The following DET1 variants were observed in gnomAD, a reference collection of about 807,000 sequenced individuals.
DET1 encodes DET1 partner of COP1 E3 ubiquitin ligase, also known as DET1 homolog.
A neutral mutation model predicts 43.7 loss-of-function variants in DET1; 22 were observed. The observed-to-expected ratio is 0.50, with a 90% CI of 0.36 to 0.72. The LOEUF (loss-of-function observed/expected upper bound fraction) is 0.72, where lower values mean the gene tolerates loss of function less well. DET1 is among the 30% of genes least tolerant of loss of function. The probability of loss-of-function intolerance (pLI) is 0.00; values close to 1 mark genes in which losing one functional copy is unlikely to be tolerated. For synonymous variants in DET1, 315 were observed against 266.2 expected, an observed-to-expected ratio of 1.18 and a Z score of -1.79; for missense variants, 713 against 713.3, an observed-to-expected ratio of 1.00 and a Z score of 0.00.
At chr15:88,522,409 C>T (rs1598325216) in intron 3 of DET1, among the ~76,000 whole-genome samples, 1 of 151,258 alleles carries the variant, frequency 6.6e-6, no homozygotes. Context: ...TCTTCTAGGT[C>T]CCTTCTCTTA....
At chr15:88,540,327 T>C (rs550864507) in intron 1 of DET1, among the ~76,000 whole-genome samples, 78 of 152,172 alleles carry the variant, frequency 5.1e-4, no homozygotes, top group African/African-American at 1.7e-3. Flanking sequence ...TGGCAAGTGG[T>C]ATTAGCTGTT....
Position 88,504,152 on chromosome 15 carries a change from C to G in DET1, c.*2066-165G>C, listed in dbSNP as rs1025893724. 5 of 152,138 alleles carry G rather than the reference C, an allele frequency of 3.3e-5. No individual in the cohort carries two copies. Among genetic ancestry groups the G allele is most frequent in the African/African-American group, 1.2e-4 (5 of 41,422 alleles). 9.4% of individuals were successfully genotyped at this position (152,138 alleles called of 1,614,324 possible). A position where few individuals can be genotyped will look rare whatever the true frequency, so the allele number is the denominator to read the frequency against. On this transcript the variant is annotated intron_variant and NMD_transcript_variant, in intron 7 of 8. Transcript: ENST00000557842. The surrounding 1 kb of genome is among the most constrained non-coding windows in gnomAD (Gnocchi z 4.7). ...GGACTGGATTCCAGGATATTTCATT[C>G]ACATGGCTATCAGCAGGAAGCCTCA...
At chr15:88,544,743 G>A (rs1446439940) in intron 1 of DET1, among the ~76,000 whole-genome samples, 1 of 152,112 alleles carries the variant, frequency 6.6e-6, no homozygotes, top group African/African-American at 2.4e-5. Flanking sequence ...GGGTCCCCAG[G>A]CCTCGGTCAG....
In DET1 at chr15:88,516,715, AAG is replaced by A; in HGVS notation, c.1463+65_1463+66del. 4 of 1,325,450 alleles carry A rather than the reference AAG, an allele frequency of 3.0e-6. No individual in the cohort carries two copies. The South Asian group carries it at 7.1e-5, about 24-fold the overall frequency. 82.1% of individuals were successfully genotyped at this position (1,325,450 alleles called of 1,614,324 possible). Reference sequence around the variant, plus strand: ...GTCACAATCAAATGATGTCCAGAAAAAGAGAAAAAGAAAGCAGGCCATCTTCA... The same window carrying A: ...GTCACAATCAAATGATGTCCAGAAAAAGAAAAAGAAAGCAGGCCATCTTCA... On this transcript the variant is annotated intron_variant, in intron 4 of 4. Transcript: ENST00000268148. The surrounding 1 kb of genome is among the most constrained non-coding windows in gnomAD (Gnocchi z 4.4).
At chr15:88,505,383 C>T (rs1477635656) in intron 7 of DET1, 1 of 152,198 alleles carries the variant, frequency 6.6e-6, no homozygotes, top group African/African-American at 2.4e-5. Context: ...AAAAACACCT[C>T]CTGCTTTGTA....
chr15:88,528,401 G>T (rs1567066085), intron 2 of DET1, among the ~76,000 whole-genome samples: 1 of 152,226 alleles, frequency 6.6e-6, no homozygotes, highest in East Asian at 1.9e-4. Flanking sequence ...TACAAGCAGG[G>T]TACTGCTGAA....
Position 88,516,814 on chromosome 15 carries a change from C to T in DET1, c.1431G>A (p.Glu477=), listed in dbSNP as rs1396085278. 1 of 1,607,566 alleles carries T rather than the reference C, an allele frequency of 6.2e-7. No homozygotes were observed. The highest frequency in any genetic ancestry group is 8.5e-7 in the Non-Finnish European group (1 of 1,177,560). The part of the protein sequence containing the change: ...SYDDKWVSVM[E]RPKTCGDHPI... Reference sequence around the variant, plus strand: ...GGTGATCTCCACAAGTCTTGGGCCGCTCCATGACAGATACCCACTTGTCAT... The same window carrying T: ...GGTGATCTCCACAAGTCTTGGGCCGTTCCATGACAGATACCCACTTGTCAT... The change falls in exon 4 of 5, where the codon GAG becomes GAA. Residue 477 remains glutamate, a synonymous_variant. Coordinates refer to ENST00000268148, the MANE Select transcript of DET1 (RefSeq NM_001144074.3). The surrounding 1 kb of genome is among the most constrained non-coding windows in gnomAD (Gnocchi z 4.4).
chr15:88,522,866 A>G (rs1406665141), intron 3 of DET1, among the ~76,000 whole-genome samples: 1 of 140,768 alleles, frequency 7.1e-6, no homozygotes, highest in Non-Finnish European at 1.5e-5. Context: ...CGAATGTAAC[A>G]TTGTTTTTTT....
At chr15:88,515,803 G>A (rs1206710859) in intron 4 of DET1, among the ~76,000 whole-genome samples, 1 of 152,024 alleles carries the variant, frequency 6.6e-6, no homozygotes, top group Non-Finnish European at 1.5e-5. Flanking sequence ...AGGGGAGGGA[G>A]TAGGGGTCGT....
chr15:88,511,293 G>C (rs931255597), downstream of DET1: 1 of 561,052 alleles, frequency 1.8e-6, no homozygotes, highest in Non-Finnish European at 2.3e-6. Flanking sequence ...TGTGAAATTC[G>C]TATTATGTCT....
chr15:88,522,621 G>A (rs1338350419), intron 3 of DET1, among the ~76,000 whole-genome samples: 2 of 146,916 alleles, frequency 1.4e-5, no homozygotes, highest in East Asian at 2.1e-4. Context: ...CCATTCTCCT[G>A]TCTCAGCCTC....
At chr15:88,541,588 A>G (rs1035253416) in intron 1 of DET1, among the ~76,000 whole-genome samples, 2 of 152,176 alleles carry the variant, frequency 1.3e-5, no homozygotes, top group African/African-American at 4.8e-5. Flanking sequence ...TGTGAAGTAG[A>G]ATGGCCAAGG....
chr15:88,529,743 C>T (rs2056763236), intron 2 of DET1, among the ~76,000 whole-genome samples: 2 of 152,168 alleles, frequency 1.3e-5, no homozygotes, highest in African/African-American at 4.8e-5. Context: ...AGACAATCTG[C>T]AAACAGGAGA....
chr15:88,527,777 A>T lies in DET1; in HGVS notation c.1093T>A (p.Phe365Ile). 6.3e-7 allele frequency: 1 copy of T among 1,591,742 alleles called. No homozygotes were observed. Among genetic ancestry groups the T allele is most frequent in the East Asian group, 2.3e-5 (1 of 44,418 alleles). Residue 365 changes from phenylalanine to isoleucine, a missense_variant, in exon 3 of 5, where the codon TTT (phenylalanine) becomes ATT (isoleucine). Phe to Ile is a conservative substitution (Grantham distance 21). Coordinates refer to ENST00000268148, the MANE Select transcript of DET1 (RefSeq NM_001144074.3). ...GTCGTCACCATATTGTACACCACAA[A>T]GAAAGATGCCTGCAGAAGAAAAGAG... ...RVTDPSQASFFVVYNMVTTEV... is the reference protein window; with the variant it reads ...RVTDPSQASFIVVYNMVTTEV...
chr15:88,533,986 T>TGAATG (rs1419504810), intron 1 of DET1, among the ~76,000 whole-genome samples: 1 of 151,944 alleles, frequency 6.6e-6, no homozygotes, highest in African/African-American at 2.4e-5. Flanking sequence ...AAGGTGCTGT[T>TGAATG]GAATGGGTTA....
At chr15:88,541,918 C>T (rs374912020) in intron 1 of DET1, among the ~76,000 whole-genome samples, 19 of 152,194 alleles carry the variant, frequency 1.2e-4, no homozygotes, top group African/African-American at 2.4e-4. Context: ...AATTGCCTCC[C>T]GGCTGTGACC....
intron 8 of DET1, chr15:88,503,870 T>A (rs757994053): frequency 5.3e-5 from 8 of 152,028 alleles, no homozygotes; most frequent in African/African-American, 9.7e-5. Context: ...CATGGTGACA[T>A]GTACCTGTGG....
chr15:88,502,337 T>A (rs370860151), intron 8 of DET1: 3 of 152,226 alleles, frequency 2.0e-5, no homozygotes, highest in East Asian at 3.8e-4. Flanking sequence ...AGTAGAAATA[T>A]GGCCCCTCTC....
chr15:88,538,693 C>A (rs1473150251), intron 1 of DET1, among the ~76,000 whole-genome samples: 1 of 152,170 alleles, frequency 6.6e-6, no homozygotes, highest in East Asian at 1.9e-4. Flanking sequence ...GTTGGTCTTG[C>A]TCCGGGCTCC....
Sources: allele counts gnomAD v4.1 joint callset (sites outside exome capture counted in the v4.1 genomes callset), GRCh38; gene constraint gnomAD v4.1.1; non-coding constraint Gnocchi (gnomAD v3.1); transcripts MANE v1.5; gene names NCBI Gene and HGNC (gene_info 2026-07-23, HGNC 2026-07-21).